Variants in UBE2Q2 observed in about 807,000 individuals in gnomAD.
The protein encoded by UBE2Q2 is ubiquitin-conjugating enzyme E2 Q2.
Under a neutral mutation model 59.9 loss-of-function variants are expected in UBE2Q2, and 54 were observed. The ratio of observed to expected loss-of-function variants is 0.90; its 90% confidence interval spans 0.72 to 1.13. The LOEUF is 1.13. Ranked by LOEUF, UBE2Q2 falls within the 50% of genes most tolerant of loss-of-function variation. The pLI is 0.00. For synonymous variants in UBE2Q2, 165 were observed against 155.2 expected (o/e 1.06, Z -0.47); for missense variants, 433 against 441.9 (o/e 0.98, Z 0.18).
Position 75,847,856 on chromosome 15 carries a change from T to G in UBE2Q2, c.180+4010T>G, listed in dbSNP as rs8041834. ...ACAAATGAAACTTCATTTTTTATAT[T>G]ACTTGTAGAGCATAAATGATTACCC... is the stretch of plus-strand genomic sequence containing the variant. On this transcript the variant is annotated intron_variant, in intron 1 of 12. Transcript: ENST00000267938. Among the ~76,000 whole-genome samples, 602 of 152,316 alleles carry G rather than the reference T, an allele frequency of 4.0e-3. 4 individuals carry two copies. The highest frequency in any genetic ancestry group is 0.013 in the African/African-American group (558 of 41,564).
At chr15:75,872,839 A>T (rs1375577508) in intron 4 of UBE2Q2, among the ~76,000 whole-genome samples, 2 of 151,966 alleles carry the variant, frequency 1.3e-5, no homozygotes, top group African/African-American at 2.4e-5. Flanking sequence ...TTCTGTGCTT[A>T]TTTCAGCGTA....
At chr15:75,849,507 A>G (rs141923901) in intron 1 of UBE2Q2, among the ~76,000 whole-genome samples, 1 of 152,358 alleles carries the variant, frequency 6.6e-6, no homozygotes, top group East Asian at 1.9e-4. Context: ...AAAAATAGAT[A>G]CAGAAAGTTA....
rs1367216089 is a variant in UBE2Q2 at position 75,846,129 on chromosome 15, A to C, written c.180+2283A>C. 2.0e-5 allele frequency among the ~76,000 whole-genome samples: 3 copies of C among 152,248 alleles called. 1 individual carries two copies. Among genetic ancestry groups the C allele is most frequent in the Admixed American group, 1.3e-4 (2 of 15,288 alleles). ...CCTCAACAATGATAAACTTTTGGCT[A>C]ATCTTCATCTGTACTCCACTTTAGA... On this transcript the variant is annotated intron_variant, in intron 1 of 12. Transcript: ENST00000267938.
chr15:75,890,291 T>G (rs1000096278), intron 9 of UBE2Q2, 144 bp from the exon 10 acceptor site: 1 of 618,586 alleles, frequency 1.6e-6, no homozygotes, highest in African/African-American at 1.9e-5. Context: ...CCCATAGTCC[T>G]GTATCCCTAA....
Position 75,899,605 on chromosome 15 carries a change from C to G in UBE2Q2, c.*147C>G. The G allele has an allele frequency of 1.7e-6, 1 of 601,160 alleles. No individual in the cohort carries two copies. The highest frequency in any genetic ancestry group is 2.7e-6 in the Non-Finnish European group (1 of 363,678). 37.2% of individuals were successfully genotyped at this position (601,160 alleles called of 1,614,324 possible). A position where few individuals can be genotyped will look rare whatever the true frequency, so the allele number is the denominator to read the frequency against. ...TAGTGGATAATCTGTCATCTGACATCCAGTATAAGTTACAGCCTTTGCATT... is the reference window on the plus strand; with the variant it reads ...TAGTGGATAATCTGTCATCTGACATGCAGTATAAGTTACAGCCTTTGCATT... On this transcript the variant is annotated 3_prime_UTR_variant, in exon 13 of 13. Transcript: ENST00000267938.
chr15:75,885,552 A>C (rs1898712757), intron 9 of UBE2Q2, among the ~76,000 whole-genome samples: 2 of 152,254 alleles, frequency 1.3e-5, no homozygotes, highest in South Asian at 2.1e-4. Flanking sequence ...TTAATAATTT[A>C]CACGATAGCA....
chr15:75,871,004 GC>G (rs1195573631), intron 4 of UBE2Q2, among the ~76,000 whole-genome samples: 9 of 152,286 alleles, frequency 5.9e-5, no homozygotes, highest in East Asian at 1.9e-4. Flanking sequence ...GATCCCGCCA[GC>G]CTCTGAGTTC....
chr15:75,863,816 G>A (rs772102587), intron 3 of UBE2Q2, among the ~76,000 whole-genome samples: 3 of 151,936 alleles, frequency 2.0e-5, no homozygotes, highest in Admixed American at 6.6e-5. Flanking sequence ...CTAATTTTTT[G>A]TATTTTTTAG....
chr15:75,851,154 T>TG (rs1555417858), intron 1 of UBE2Q2, among the ~76,000 whole-genome samples: 1 of 150,910 alleles, frequency 6.6e-6, no homozygotes, highest in Non-Finnish European at 1.5e-5. Flanking sequence ...TTTTTTGAGA[T>TG]GGGGGTTCAC....
intron 1 of UBE2Q2, among the ~76,000 whole-genome samples, chr15:75,849,536 AAAT>A (rs1419875229): frequency 2.0e-5 from 3 of 152,250 alleles, no homozygotes; most frequent in African/African-American, 7.2e-5. Flanking sequence ...TAAGACAAAA[AAAT>A]CTTTTTCTTG....
At chr15:75,868,841 G>A in intron 3 of UBE2Q2, 110 bp from the exon 4 acceptor site, 3 of 824,482 alleles carry the variant, frequency 3.6e-6, no homozygotes, top group Non-Finnish European at 6.0e-6. Flanking sequence ...CTGTCTGGTA[G>A]TGGGACTCCA....
At chr15:75,843,983 A>G in intron 1 of UBE2Q2, 137 bp downstream of exon 1, 1 of 1,403,212 alleles carries the variant, frequency 7.1e-7, no homozygotes, top group South Asian at 1.6e-5. Context: ...TTCCCCCGCG[A>G]CTTGCCCATC....
intron 4 of UBE2Q2, among the ~76,000 whole-genome samples, chr15:75,872,778 T>C (rs1897867093): frequency 6.6e-6 from 1 of 152,208 alleles, no homozygotes; most frequent in Non-Finnish European, 1.5e-5. Context: ...CAGAGATAAC[T>C]AAGATTAACT....
At chr15:75,867,319 G>C (rs767483100) in intron 3 of UBE2Q2, among the ~76,000 whole-genome samples, 15 of 152,186 alleles carry the variant, frequency 9.9e-5, no homozygotes, top group Non-Finnish European at 2.2e-4. Context: ...GATGGGACAA[G>C]TACAGTAAAG....
intron 1 of UBE2Q2, among the ~76,000 whole-genome samples, chr15:75,846,120 CTT>C (rs1896332823): frequency 6.6e-6 from 1 of 152,182 alleles, no homozygotes; most frequent in African/African-American, 2.4e-5. Context: ...CAATGATAAA[CTT>C]TTGGCTAATC....
At chr15:75,879,788 G>T (rs1898297348) in intron 8 of UBE2Q2, among the ~76,000 whole-genome samples, 1 of 151,998 alleles carries the variant, frequency 6.6e-6, no homozygotes, top group South Asian at 2.1e-4. Flanking sequence ...GGCTTCTTAG[G>T]GGGGCAAAAA....
chr15:75,886,897 A>T (rs904727900), intron 9 of UBE2Q2, among the ~76,000 whole-genome samples: 9 of 151,934 alleles, frequency 5.9e-5, no homozygotes, highest in African/African-American at 2.2e-4. Flanking sequence ...ACATTTTAAA[A>T]TGTGATTATA....
chr15:75,864,801 A>AT (rs1207326543), intron 3 of UBE2Q2, among the ~76,000 whole-genome samples: 1 of 151,332 alleles, frequency 6.6e-6, no homozygotes, highest in Non-Finnish European at 1.5e-5. Flanking sequence ...TTTCTTTTTC[A>AT]TTTTTTGCTT....
chr15:75,868,113 G>A (rs1410402915), intron 3 of UBE2Q2, among the ~76,000 whole-genome samples: 3 of 152,156 alleles, frequency 2.0e-5, no homozygotes, highest in Admixed American at 2.0e-4. Context: ...CCATCAGAGT[G>A]TCTAATAACA....
Sources: gnomAD v4.1 joint callset for allele counts (sites outside exome capture counted in the v4.1 genomes callset) on GRCh38, gnomAD v4.1.1 for gene constraint, MANE v1.5 for transcripts, NCBI Gene and HGNC (gene_info 2026-07-23, HGNC 2026-07-21) for gene names.